CTNNA2: variants seen among roughly 807,000 people sequenced by gnomAD.
CTNNA2 encodes the protein catenin alpha 2.
CTNNA2 carries 42 observed loss-of-function variants against 101.0 expected under a neutral mutation model. The observed-to-expected ratio is 0.42, with a 90% CI of 0.32 to 0.54. CTNNA2 has a LOEUF of 0.54. Among genes scored for constraint, CTNNA2 ranks in the 20% least tolerant of loss-of-function variants. The pLI is 0.14. For synonymous variants in CTNNA2, 450 were observed against 456.4 expected, an observed-to-expected ratio of 0.99 and a Z score of 0.18; for missense variants, 871 against 1,223.1, an observed-to-expected ratio of 0.71 and a Z score of 4.29.
At chr2:79,369,113 G>A (rs1049560421) in intron 3 of CTNNA2, among the ~76,000 whole-genome samples, 1 of 152,160 alleles carries the variant, frequency 6.6e-6, no homozygotes, top group African/African-American at 2.4e-5. Flanking sequence ...TGCACACCAG[G>A]GCACCACCAC....
intron 7 of CTNNA2, among the ~76,000 whole-genome samples, chr2:79,953,740 A>C (rs533876788): frequency 6.6e-6 from 1 of 152,324 alleles, no homozygotes; most frequent in South Asian, 2.1e-4. Flanking sequence ...TTGGGTTATC[A>C]TGTGGATTGA....
intron 2 of CTNNA2, among the ~76,000 whole-genome samples, chr2:79,242,377 C>G (rs1674638398): frequency 6.6e-6 from 1 of 152,028 alleles, no homozygotes; most frequent in East Asian, 1.9e-4. Flanking sequence ...CATCTAATAA[C>G]TCTTCTTCAT....
intron 3 of CTNNA2, among the ~76,000 whole-genome samples, chr2:79,783,269 G>C (rs1186303084): frequency 6.6e-6 from 1 of 152,026 alleles, no homozygotes; most frequent in Non-Finnish European, 1.5e-5. Flanking sequence ...AATTAGATTT[G>C]GTCACATGAC....
At chr2:79,551,959 T>C (rs565603182) in intron 1 of CTNNA2, among the ~76,000 whole-genome samples, 1 of 152,122 alleles carries the variant, frequency 6.6e-6, no homozygotes, top group Non-Finnish European at 1.5e-5. Flanking sequence ...GGGACACAAA[T>C]CCAAACCATA....
chr2:80,426,419 G>A (rs1680997683), intron 9 of CTNNA2, among the ~76,000 whole-genome samples: 1 of 152,130 alleles, frequency 6.6e-6, no homozygotes, highest in African/African-American at 2.4e-5. Flanking sequence ...TGCCTGCTCA[G>A]TCAACCTGCC....
intron 3 of CTNNA2, among the ~76,000 whole-genome samples, chr2:79,813,868 T>C (rs7585451): frequency 0.3 from 45,326 of 152,078 alleles, 8,348 homozygotes; most frequent in African/African-American, 0.52. Context: ...TATATTGTTT[T>C]GTGCTTCTGG....
In CTNNA2 at chr2:79,779,627, A is replaced by G. The variant is rs1055595130; in HGVS notation, c.298+35045A>G. ...ACACTGAAATGTAAACAGACATTTT[A>G]GCAGCAGATAATTTTAATATGCTGG... On this transcript the variant is annotated intron_variant, in intron 3 of 18. Coordinates refer to ENST00000402739, the MANE Select transcript of CTNNA2 (RefSeq NM_001282597.3). 2.6e-5 allele frequency among the ~76,000 whole-genome samples: 4 copies of G among 152,306 alleles called. No individual in the cohort carries two copies. In the South Asian group the frequency reaches 8.3e-4, roughly 32 times the overall value.
intron 7 of CTNNA2, among the ~76,000 whole-genome samples, chr2:80,151,133 G>A (rs116813829): frequency 0.011 from 1,688 of 152,222 alleles, 35 homozygotes; most frequent in African/African-American, 0.036. Context: ...GGGCAGTTTC[G>A]TCCCAGGCTC....
intron 2 of CTNNA2, among the ~76,000 whole-genome samples, chr2:79,736,999 G>A (rs1670928313): frequency 6.6e-6 from 1 of 152,170 alleles, no homozygotes; most frequent in Non-Finnish European, 1.5e-5. Context: ...CAAGCTGTTT[G>A]TAAGGAATCA....
rs552617991 is a variant in CTNNA2, at chr2:79,211,814, G to A, written c.-406+13738G>A. Among the ~76,000 whole-genome samples the A allele has an allele frequency of 5.5e-4, 84 of 152,258 alleles. 1 individual carries two copies. Among genetic ancestry groups the A allele is most frequent in the African/African-American group, 1.9e-3 (81 of 41,546 alleles). On this transcript the variant is annotated intron_variant, in intron 2 of 21. Coordinates refer to the CTNNA2 transcript ENST00000466387. The stretch of plus-strand genomic sequence containing the variant: ...AAATGAAATAGTGGTTAAGTGTTGG[G>A]ATGGCAACAATTTTGGGGGATGGTA...
chr2:80,236,033 C>T (rs1227446606), intron 7 of CTNNA2, among the ~76,000 whole-genome samples: 2 of 152,134 alleles, frequency 1.3e-5, no homozygotes, highest in East Asian at 3.9e-4. Context: ...TATCATTTAG[C>T]TCCCACTTAT....
intron 4 of CTNNA2, among the ~76,000 whole-genome samples, chr2:79,434,559 C>A (rs1245440076): frequency 6.6e-6 from 1 of 152,242 alleles, no homozygotes; most frequent in East Asian, 1.9e-4. Flanking sequence ...ATGGAGTCAG[C>A]CAGTGTGAGA....
intron 7 of CTNNA2, among the ~76,000 whole-genome samples, chr2:80,271,988 T>C (rs1187178659): frequency 3.3e-5 from 5 of 152,154 alleles, no homozygotes; most frequent in African/African-American, 1.2e-4. Flanking sequence ...CCCGGTTAGG[T>C]TGGATTCCAC....
intron 1 of CTNNA2, among the ~76,000 whole-genome samples, chr2:79,522,528 C>T (rs931610957): frequency 4.6e-5 from 7 of 152,152 alleles, no homozygotes; most frequent in Non-Finnish European, 1.0e-4. Flanking sequence ...AAAATCCAGG[C>T]TGACACAGAA....
intron 7 of CTNNA2, among the ~76,000 whole-genome samples, chr2:79,943,543 T>C (rs1341193443): frequency 1.3e-5 from 2 of 152,170 alleles, no homozygotes; most frequent in South Asian, 4.1e-4. Context: ...GGTTCAGACT[T>C]CTTATCCCCA....
At chr2:79,595,436 A>G (rs1677126944) in intron 1 of CTNNA2, among the ~76,000 whole-genome samples, 1 of 152,216 alleles carries the variant, frequency 6.6e-6, no homozygotes, top group South Asian at 2.1e-4. Flanking sequence ...GTGAACACCC[A>G]TAGGCATCCC....
rs998816887 is a variant in CTNNA2, at chr2:79,528,221, T to C, written c.-6+15014T>C. ...CTTTTTCTTTTCTTTTCTTTTTTTT[T>C]TGGAGACACGGAGACAGGGTCTCAC... On this transcript the variant is annotated intron_variant, in intron 1 of 18. Transcript: ENST00000402739. Among the ~76,000 whole-genome samples, 9 of 151,340 alleles carry C rather than the reference T, an allele frequency of 5.9e-5. 1 individual carries two copies. Among genetic ancestry groups the C allele is most frequent in the Admixed American group, 2.6e-4 (4 of 15,108 alleles).
chr2:79,344,053 C>G (rs1208744540), intron 3 of CTNNA2, among the ~76,000 whole-genome samples: 1 of 152,178 alleles, frequency 6.6e-6, no homozygotes, highest in African/African-American at 2.4e-5. Context: ...CCTTCATGCT[C>G]TCTTGTAGGT....
intron 9 of CTNNA2, among the ~76,000 whole-genome samples, chr2:80,445,351 T>G (rs142926326): frequency 1.3e-5 from 2 of 151,838 alleles, no homozygotes; most frequent in East Asian, 3.9e-4. Flanking sequence ...CTGGCTAAGT[T>G]TTGTATTTTT....
Sources: allele counts gnomAD v4.1 joint callset (sites outside exome capture counted in the v4.1 genomes callset), GRCh38; gene constraint gnomAD v4.1.1; transcripts MANE v1.5; gene names NCBI Gene and HGNC (gene_info 2026-07-23, HGNC 2026-07-21).